CEP63: variants seen among roughly 807,000 people sequenced by gnomAD.
CEP63 encodes centrosomal protein of 63 kDa.
CEP63 carries 84 observed loss-of-function variants against 89.1 expected under a neutral mutation model. That is an observed-to-expected ratio of 0.94 (90% CI 0.79 to 1.13). The LOEUF (loss-of-function observed/expected upper bound fraction) is 1.13, where lower values mean the gene tolerates loss of function less well. Ranked by LOEUF, CEP63 falls within the 50% of genes most tolerant of loss-of-function variation. The probability of loss-of-function intolerance (pLI) is 0.00; values close to 1 mark genes in which losing one functional copy is unlikely to be tolerated. For missense variants in CEP63, 838 were observed against 813.3 expected (o/e 1.03, Z -0.37); for synonymous variants, 267 against 272.5 (o/e 0.98, Z 0.20).
chr3:134,644,764 T>A, the CEP63 span, among the ~76,000 whole-genome samples: 1 of 152,208 alleles, frequency 6.6e-6, no homozygotes, highest in Non-Finnish European at 1.5e-5. Flanking sequence ...GGTGAGGTAC[T>A]GAGCCAGGCT....
chr3:134,505,203 T>C (rs1246633281), intron 2 of CEP63, among the ~76,000 whole-genome samples: 1 of 152,192 alleles, frequency 6.6e-6, no homozygotes, highest in Non-Finnish European at 1.5e-5. Context: ...TGTGTCCTTG[T>C]GTTGATTTCT....
At chr3:134,767,266 A>G in the CEP63 span, among the ~76,000 whole-genome samples, 4 of 152,204 alleles carry the variant, frequency 2.6e-5, no homozygotes, top group African/African-American at 9.6e-5. Context: ...TGTGGCTAGC[A>G]TTTTAATGCA....
chr3:134,733,279 G>T, the CEP63 span, among the ~76,000 whole-genome samples: 1 of 151,826 alleles, frequency 6.6e-6, no homozygotes, highest in South Asian at 2.1e-4. Context: ...AGAATTGTCT[G>T]CCAGCACACA....
At chr3:134,723,905 A>G in the CEP63 span, among the ~76,000 whole-genome samples, 23 of 152,236 alleles carry the variant, frequency 1.5e-4, no homozygotes, top group Non-Finnish European at 2.5e-4. Flanking sequence ...ATTTTGGAGA[A>G]TGAAGTCACT....
the CEP63 span, among the ~76,000 whole-genome samples, chr3:134,726,833 C>CA: frequency 2.0e-5 from 3 of 152,222 alleles, no homozygotes; most frequent in East Asian, 5.8e-4. Context: ...CTGTTGCTCT[C>CA]ACTGGGATTA....
At chr3:134,642,257 G>A in the CEP63 span, among the ~76,000 whole-genome samples, 1 of 152,280 alleles carries the variant, frequency 6.6e-6, no homozygotes, top group Admixed American at 6.5e-5. Flanking sequence ...AATCCTCCGG[G>A]GCCTCCAGAG....
At chr3:134,635,718 G>A in the CEP63 span, among the ~76,000 whole-genome samples, 4 of 151,934 alleles carry the variant, frequency 2.6e-5, no homozygotes, top group East Asian at 3.9e-4. Flanking sequence ...ACAAACATTC[G>A]ATTTTACTGT....
chr3:134,503,100 CTTTTTT>C (rs34673408), intron 2 of CEP63, among the ~76,000 whole-genome samples: 14 of 92,020 alleles, frequency 1.5e-4, no homozygotes, highest in Admixed American at 1.3e-3. Context: ...TGATTTCAAT[CTTTTTT>C]TTTTTTTTTT....
the CEP63 span, among the ~76,000 whole-genome samples, chr3:134,682,299 A>G: frequency 0.2 from 30,680 of 152,098 alleles, 3,161 homozygotes; most frequent in African/African-American, 0.26. Context: ...GTACCTTTTT[A>G]GCTAAAACAA....
the CEP63 span, among the ~76,000 whole-genome samples, chr3:134,685,392 G>A: frequency 6.6e-6 from 1 of 152,082 alleles, no homozygotes; most frequent in African/African-American, 2.4e-5. Context: ...TCTCTCTGGG[G>A]ATGCCCATCT....
intron 11 of CEP63, among the ~76,000 whole-genome samples, chr3:134,571,787 A>G (rs1163284617): frequency 1.3e-5 from 2 of 152,328 alleles, no homozygotes; most frequent in Non-Finnish European, 2.9e-5. Context: ...CAAATTTGTG[A>G]TGTAGTATTA....
chr3:134,771,377 A>G, the CEP63 span, among the ~76,000 whole-genome samples: 1 of 152,340 alleles, frequency 6.6e-6, no homozygotes. Flanking sequence ...CAAAGACTAC[A>G]TGTTCTCACT....
chr3:134,499,357 G>A (rs1351755943), intron 2 of CEP63, among the ~76,000 whole-genome samples: 1 of 152,098 alleles, frequency 6.6e-6, no homozygotes, highest in East Asian at 1.9e-4. Context: ...GTTATCAGTT[G>A]TAATATTGCC....
At chr3:134,740,257 A>ATTCTT in the CEP63 span, among the ~76,000 whole-genome samples, 20 of 147,808 alleles carry the variant, frequency 1.4e-4, no homozygotes, top group Admixed American at 1.4e-4. Flanking sequence ...AGGAGCACTT[A>ATTCTT]TTCTTTTCTT....
intron 3 of CEP63, among the ~76,000 whole-genome samples, chr3:134,508,493 C>G (rs1418549543): frequency 6.6e-6 from 1 of 152,028 alleles, no homozygotes; most frequent in Admixed American, 6.6e-5. Flanking sequence ...CTTTGTTTCT[C>G]CTAGGGCAAA....
chr3:134,779,192 C>CAT, the CEP63 span, among the ~76,000 whole-genome samples: 3 of 152,054 alleles, frequency 2.0e-5, no homozygotes, highest in African/African-American at 7.2e-5. Context: ...ATATAGTGTA[C>CAT]ATATATATGA....
chr3:134,630,269 A>G, the CEP63 span, among the ~76,000 whole-genome samples: 1 of 152,338 alleles, frequency 6.6e-6, no homozygotes, highest in East Asian at 1.9e-4. Context: ...CTCAGCCCCC[A>G]GGCAATTCTC....
chr3:134,565,069 G>C (rs2110237909), downstream of CEP63: 1 of 646,984 alleles, frequency 1.5e-6, no homozygotes, highest in African/African-American at 2.0e-5. Context: ...TCCAAAATCT[G>C]TCCGTGATCA....
In CEP63 at chr3:134,523,389, C is replaced by T. The variant is rs1020757347; in HGVS notation, c.223-8456C>T. On this transcript the variant is annotated intron_variant, in intron 3 of 14. Transcript: ENST00000675561. ...TAGTTTCATTTGCTGTAAAGAAACTCTTTAATTAGATCCCATTTGTTGACT... is the reference window on the plus strand; with the variant it reads ...TAGTTTCATTTGCTGTAAAGAAACTTTTTAATTAGATCCCATTTGTTGACT... Among the ~76,000 whole-genome samples the T allele has an allele frequency of 3.9e-5, 6 of 152,010 alleles. No individual in the cohort carries two copies. The East Asian group carries it at 1.2e-3, about 29-fold the overall frequency.
Sources: gnomAD v4.1 joint callset for allele counts (sites outside exome capture counted in the v4.1 genomes callset) on GRCh38, gnomAD v4.1.1 for gene constraint, MANE v1.5 for transcripts, NCBI Gene and HGNC (gene_info 2026-07-23, HGNC 2026-07-21) for gene names.